EHBP1: variants seen among roughly 807,000 people sequenced by gnomAD.
EHBP1 encodes the protein EH domain-binding protein 1.
A neutral mutation model predicts 144.0 loss-of-function variants in EHBP1; 55 were observed. The ratio of observed to expected loss-of-function variants is 0.38; its 90% confidence interval spans 0.31 to 0.48. EHBP1 has a LOEUF of 0.48. EHBP1 is among the 20% of genes least tolerant of loss of function. EHBP1 has a pLI of 0.98. For missense variants in EHBP1, 1,200 were observed against 1,364.2 expected, an observed-to-expected ratio of 0.88 and a Z score of 1.90; for synonymous variants, 469 against 472.7, an observed-to-expected ratio of 0.99 and a Z score of 0.10.
chr2:62,966,358 T>G (rs1421287688), intron 14 of EHBP1, among the ~76,000 whole-genome samples: 2 of 152,190 alleles, frequency 1.3e-5, no homozygotes, highest in African/African-American at 4.8e-5. Flanking sequence ...ATGAGAGCAC[T>G]TAAGTTACAT....
intron 15 of EHBP1, 72 bp downstream of exon 15, chr2:62,979,407 T>C (rs1457721026): frequency 6.1e-6 from 9 of 1,480,074 alleles, no homozygotes; most frequent in Non-Finnish European, 7.3e-6. Flanking sequence ...GGACTTTTTA[T>C]TCTTACTTCA....
At chr2:63,034,154 G>A (rs2061371220) in intron 19 of EHBP1, among the ~76,000 whole-genome samples, 1 of 151,988 alleles carries the variant, frequency 6.6e-6, no homozygotes, top group South Asian at 2.1e-4. Context: ...ACTTTAAAAT[G>A]TTAAGGCTAA....
intron 19 of EHBP1, among the ~76,000 whole-genome samples, chr2:63,013,931 C>T (rs757888384): frequency 6.6e-6 from 1 of 152,190 alleles, no homozygotes; most frequent in African/African-American, 2.4e-5. Flanking sequence ...CCTTCAGCCC[C>T]ACTCATACTC....
At chr2:62,743,456 C>T (rs906009968) in intron 2 of EHBP1, among the ~76,000 whole-genome samples, 2 of 152,014 alleles carry the variant, frequency 1.3e-5, no homozygotes, top group African/African-American at 2.4e-5. Context: ...GTCTGTCTCC[C>T]CACTAGATTG....
intron 19 of EHBP1, among the ~76,000 whole-genome samples, chr2:63,013,663 G>A (rs777584832): frequency 2.6e-5 from 4 of 152,174 alleles, no homozygotes; most frequent in Non-Finnish European, 4.4e-5. Context: ...TCGGCTTCCC[G>A]TGTTTTCTAC....
chr2:62,896,667 A>G (rs2052961947), intron 10 of EHBP1, among the ~76,000 whole-genome samples: 1 of 151,466 alleles, frequency 6.6e-6, no homozygotes. Context: ...TACAGATATA[A>G]TATAGCCCAT....
At chr2:62,831,388 T>A (rs1481923470) in intron 7 of EHBP1, among the ~76,000 whole-genome samples, 1 of 152,172 alleles carries the variant, frequency 6.6e-6, no homozygotes, top group Non-Finnish European at 1.5e-5. Flanking sequence ...ACAAAAAACA[T>A]TCTTGAATTA....
chr2:62,707,613 CAAAG>C (rs1395216953), intron 2 of EHBP1, among the ~76,000 whole-genome samples: 1 of 152,076 alleles, frequency 6.6e-6, no homozygotes, highest in East Asian at 1.9e-4. Flanking sequence ...TTTAAGGAGA[CAAAG>C]AATGGCTACT....
Position 62,692,567 on chromosome 2 carries a change from A to G in EHBP1, c.-295-14330A>G, listed in dbSNP as rs574836601. Among the ~76,000 whole-genome samples the G allele has an allele frequency of 3.3e-5, 5 of 152,238 alleles. No homozygotes were observed. In the South Asian group the frequency reaches 1.0e-3, roughly 32 times the overall value. On this transcript the variant is annotated intron_variant, in intron 1 of 22. Transcript: ENST00000405015. ...TATTGTCTGTCTTTGATCTTAAACC[A>G]TTTTAATTGGTGTAAAGTAGTATCT...
At chr2:62,899,378 T>A (rs983140007) in intron 10 of EHBP1, among the ~76,000 whole-genome samples, 5 of 152,200 alleles carry the variant, frequency 3.3e-5, no homozygotes, top group Non-Finnish European at 5.9e-5. Flanking sequence ...AATAGAGAAA[T>A]GGGCAGTGCA....
intron 20 of EHBP1, among the ~76,000 whole-genome samples, chr2:63,038,507 T>C (rs1009976937): frequency 7.2e-5 from 11 of 152,140 alleles, no homozygotes; most frequent in African/African-American, 2.4e-4. Context: ...AAGTGAGTAA[T>C]TATCCTCAGA....
At chr2:62,809,426 T>A (rs1037129212) in intron 5 of EHBP1, among the ~76,000 whole-genome samples, 1 of 151,820 alleles carries the variant, frequency 6.6e-6, no homozygotes, top group Non-Finnish European at 1.5e-5. Context: ...CTGATCAAGC[T>A]CTTGGAAGTA....
chr2:62,974,250 A>G (rs72890515), intron 14 of EHBP1, among the ~76,000 whole-genome samples: 3 of 152,186 alleles, frequency 2.0e-5, no homozygotes, highest in African/African-American at 4.8e-5. Context: ...GGGTCTTGCT[A>G]TGTAGCCCAG....
intron 2 of EHBP1, among the ~76,000 whole-genome samples, chr2:62,728,379 A>G (rs2037048578): frequency 1.3e-5 from 2 of 152,202 alleles, no homozygotes; most frequent in Admixed American, 1.3e-4. Flanking sequence ...TGAAGGTTCC[A>G]GTTTCTTCAT....
chr2:62,798,986 A>G (rs1573408932), intron 5 of EHBP1, among the ~76,000 whole-genome samples: 1 of 149,838 alleles, frequency 6.7e-6, no homozygotes, highest in South Asian at 2.2e-4. Context: ...CCTGGGTGAC[A>G]AAGCAAGACT....
chr2:63,012,729 G>T (rs1325853559), intron 19 of EHBP1, among the ~76,000 whole-genome samples: 2 of 152,108 alleles, frequency 1.3e-5, no homozygotes, highest in South Asian at 2.1e-4. Context: ...GTTTGAAATG[G>T]TTCTTTGAGA....
At chr2:62,946,722 T>G (rs765321015) in intron 12 of EHBP1, among the ~76,000 whole-genome samples, 21 of 152,184 alleles carry the variant, frequency 1.4e-4, no homozygotes, top group Non-Finnish European at 2.2e-4. Context: ...CAGTAGGTAG[T>G]TAGTTGACCA....
chr2:62,925,364 GA>G (rs767177649), intron 10 of EHBP1, among the ~76,000 whole-genome samples: 124 of 138,512 alleles, frequency 9.0e-4, no homozygotes, highest in Middle Eastern at 7.2e-3. Flanking sequence ...AATTAGGCAA[GA>G]AAAAAAAAAA....
intron 10 of EHBP1, among the ~76,000 whole-genome samples, chr2:62,927,119 T>A (rs879928652): frequency 1.3e-5 from 2 of 152,120 alleles, no homozygotes; most frequent in Non-Finnish European, 2.9e-5. Context: ...ATGTTCTCAC[T>A]CAAATGTGGA....
Sources: allele counts gnomAD v4.1 joint callset (sites outside exome capture counted in the v4.1 genomes callset), GRCh38; gene constraint gnomAD v4.1.1; transcripts MANE v1.5; gene names NCBI Gene and HGNC (gene_info 2026-07-23, HGNC 2026-07-21).